ZCCHC24: variants seen among roughly 807,000 people sequenced by gnomAD.
ZCCHC24 encodes zinc finger CCHC domain-containing protein 24.
Under a neutral mutation model 26.2 loss-of-function variants are expected in ZCCHC24, and 10 were observed. The ratio of observed to expected loss-of-function variants is 0.38; its 90% CI spans 0.24 to 0.65. The LOEUF (loss-of-function observed/expected upper bound fraction) is 0.65, where lower values mean the gene tolerates loss of function less well. Among genes scored for constraint, ZCCHC24 ranks in the 30% least tolerant of loss-of-function variants. The probability of loss-of-function intolerance (pLI) is 0.54; values close to 1 mark genes in which losing one functional copy is unlikely to be tolerated. For synonymous variants in ZCCHC24, 144 were observed against 147.1 expected, an observed-to-expected ratio of 0.98 and a Z score of 0.15; for missense variants, 243 against 329.1, an observed-to-expected ratio of 0.74 and a Z score of 2.03.
Position 79,386,365 on chromosome 10 carries a change from A to T in ZCCHC24, c.706T>A (p.Tyr236Asn). 1 of 1,613,474 alleles carries T rather than the reference A, an allele frequency of 6.2e-7. No homozygotes were observed. Among genetic ancestry groups the T allele is most frequent in the Non-Finnish European group, 8.5e-7 (1 of 1,179,894 alleles). ...GCCCGTCACTGCACGCGACGGCAGT[A>T]GTAGCCCAGGACCTTGCACTTCTCG... is the stretch of plus-strand genomic sequence containing the variant. ...LCEKCKVLGY[Y>N]CRRVQ is the part of the protein sequence containing the mutation. The change falls in exon 4 of 4, where the codon TAC (tyrosine) becomes AAC (asparagine). Residue 236 changes from tyrosine to asparagine, a missense_variant. Tyr to Asn is a moderately radical substitution (Grantham distance 143). Around this residue, in one of 2 missense-constraint regions of ZCCHC24, gnomAD observed 96 missense variants for 178.3 expected, o/e 0.54. Coordinates refer to ENST00000372336, the MANE Select transcript of ZCCHC24 (RefSeq NM_153367.4).
At chr10:79,419,030 C>T (rs925264896) in intron 2 of ZCCHC24, among the ~76,000 whole-genome samples, 3 of 152,132 alleles carry the variant, frequency 2.0e-5, no homozygotes, top group South Asian at 2.1e-4. Flanking sequence ...CATGCACGCA[C>T]GTTTGCATGT....
In ZCCHC24 at chr10:79,386,435, G is replaced by T. The variant is rs1427076996; in HGVS notation, c.636C>A (p.Gly212=). The part of the protein sequence containing the change: ...HKQRPLEKPD[G]LDVSDQSKEH... Reference sequence around the variant, plus strand: ...CCTTGCTCTGGTCGGACACGTCCAGGCCGTCGGGCTTCTCCAGGGGTCTCT... The same window carrying T: ...CCTTGCTCTGGTCGGACACGTCCAGTCCGTCGGGCTTCTCCAGGGGTCTCT... Residue 212 remains glycine, a synonymous_variant, in exon 4 of 4, where the codon GGC becomes GGA. Coordinates refer to ENST00000372336, the MANE Select transcript of ZCCHC24 (RefSeq NM_153367.4). 6.2e-7 allele frequency: 1 copy of T among 1,603,264 alleles called. No individual in the cohort carries two copies. The highest frequency in any genetic ancestry group is 2.2e-5 in the East Asian group (1 of 44,518).
At chr10:79,444,476 C>A (rs534860662) in intron 1 of ZCCHC24, among the ~76,000 whole-genome samples, 10 of 152,260 alleles carry the variant, frequency 6.6e-5, no homozygotes, top group Non-Finnish European at 8.8e-5. Flanking sequence ...ACCTCTCCCC[C>A]CCCCTTTCTA....
At chr10:79,408,172 C>T (rs1312782278) in intron 2 of ZCCHC24, among the ~76,000 whole-genome samples, 1 of 152,210 alleles carries the variant, frequency 6.6e-6, no homozygotes, top group East Asian at 1.9e-4. Context: ...CCCTGAGCTA[C>T]AGATGTGGAG....
In ZCCHC24 at chr10:79,426,609, T is replaced by A. The variant is rs557121049; in HGVS notation, c.447+5949A>T. ...TATCTCACTGGAATCAAGTTATAAA[T>A]CTGAGGCATTCTGGTAAGACACAAT... On this transcript the variant is annotated intron_variant, in intron 2 of 3. Coordinates refer to ENST00000372336, the MANE Select transcript of ZCCHC24 (RefSeq NM_153367.4). Among the ~76,000 whole-genome samples the A allele has an allele frequency of 2.6e-5, 4 of 152,192 alleles. No individual in the cohort carries two copies. The South Asian group carries it at 8.3e-4, about 32-fold the overall frequency.
chr10:79,402,262 GTTTTTCTTTTTTTTTCT>G (rs1856643148), intron 2 of ZCCHC24, among the ~76,000 whole-genome samples: 1 of 152,126 alleles, frequency 6.6e-6, no homozygotes, highest in African/African-American at 2.4e-5. Context: ...TAGATACTTG[GTTTTTCTTTTTTTTTCT>G]TTTTTCTTTT....
chr10:79,439,689 G>A (rs138386007), intron 1 of ZCCHC24, among the ~76,000 whole-genome samples: 2,394 of 152,066 alleles, frequency 0.016, 20 homozygotes, highest in Middle Eastern at 0.071. Context: ...CTATTGGGGA[G>A]GCTGAGGCAG....
intron 1 of ZCCHC24, among the ~76,000 whole-genome samples, chr10:79,442,434 T>C (rs1857301909): frequency 5.3e-5 from 8 of 152,212 alleles, no homozygotes; most frequent in Admixed American, 5.2e-4. Flanking sequence ...AGGGGCACAA[T>C]GGGCTTCTGT....
intron 3 of ZCCHC24, among the ~76,000 whole-genome samples, chr10:79,386,671 G>A (rs1020963410): frequency 6.6e-6 from 1 of 152,178 alleles, no homozygotes. Context: ...GAGGGCGCCT[G>A]TGGTCACAGG....
chr10:79,441,361 G>A (rs1857289791), intron 1 of ZCCHC24, among the ~76,000 whole-genome samples: 1 of 152,116 alleles, frequency 6.6e-6, no homozygotes, highest in African/African-American at 2.4e-5. Context: ...CCATACAGAA[G>A]GGCTGGGCCC....
chr10:79,419,140 C>T, intron 2 of ZCCHC24, among the ~76,000 whole-genome samples: 1 of 152,164 alleles, frequency 6.6e-6, no homozygotes, highest in Non-Finnish European at 1.5e-5. Flanking sequence ...TCCCAGGTAT[C>T]CGGGCTGCTT....
chr10:79,444,078 G>C lies in ZCCHC24; in HGVS notation c.246+1117C>G, dbSNP rs746390369. Reference sequence around the variant, plus strand: ...AGGCTTTCCTCCCCAACCCATTCAGGACTCTGACTCTCCTAAAACTCACCG... The same window carrying C: ...AGGCTTTCCTCCCCAACCCATTCAGCACTCTGACTCTCCTAAAACTCACCG... On this transcript the variant is annotated intron_variant, in intron 1 of 3. Coordinates refer to ENST00000372336, the MANE Select transcript of ZCCHC24 (RefSeq NM_153367.4). 22 of 1,538,978 alleles carry C rather than the reference G, an allele frequency of 1.4e-5. 1 individual carries two copies. In the South Asian group the frequency reaches 2.4e-4, roughly 17 times the overall value.
Position 79,438,939 on chromosome 10 carries a change from T to A in ZCCHC24, c.247-6181A>T, listed in dbSNP as rs565177934. ...TGGGGACCGGGCTGCCTCTTACTGCTAGAGCATATTTGTTGAATGAAAGCA... is the reference window on the plus strand; with the variant it reads ...TGGGGACCGGGCTGCCTCTTACTGCAAGAGCATATTTGTTGAATGAAAGCA... On this transcript the variant is annotated intron_variant, in intron 1 of 3. Coordinates refer to ENST00000372336, the MANE Select transcript of ZCCHC24 (RefSeq NM_153367.4). Among the ~76,000 whole-genome samples the A allele has an allele frequency of 4.6e-5, 7 of 152,312 alleles. No individual in the cohort carries two copies. The South Asian group carries it at 8.3e-4, about 18-fold the overall frequency.
intron 2 of ZCCHC24, among the ~76,000 whole-genome samples, chr10:79,405,349 G>T (rs1856697138): frequency 6.6e-6 from 1 of 152,244 alleles, no homozygotes; most frequent in Non-Finnish European, 1.5e-5. Flanking sequence ...GGCTCAGGCT[G>T]GGGCTCAGAA....
chr10:79,407,157 G>A (rs991875113), intron 2 of ZCCHC24, among the ~76,000 whole-genome samples: 13 of 152,338 alleles, frequency 8.5e-5, no homozygotes, highest in South Asian at 8.3e-4. Context: ...TGCACACATG[G>A]CCTCTTTGCT....
At chr10:79,430,280 G>A (rs1198502000) in intron 2 of ZCCHC24, among the ~76,000 whole-genome samples, 4 of 152,092 alleles carry the variant, frequency 2.6e-5, no homozygotes, top group Non-Finnish European at 5.9e-5. Flanking sequence ...GAGGAAGAAG[G>A]TGCTTGGGCC....
In ZCCHC24 at chr10:79,386,377, C is replaced by T; in HGVS notation, c.694G>A (p.Val232Ile). 6.2e-7 allele frequency: 1 copy of T among 1,613,182 alleles called. No individual in the cohort carries two copies. The highest frequency in any genetic ancestry group is 1.3e-5 in the African/African-American group (1 of 75,062). ...ACGCGACGGCAGTAGTAGCCCAGGA[C>T]CTTGCACTTCTCGCAGAGGTGCTGC... is the stretch of plus-strand genomic sequence containing the variant. ...HPQHLCEKCK[V>I]LGYYCRRVQ Residue 232 changes from valine (V) to isoleucine (I), a missense_variant, in exon 4 of 4, where the codon GTC becomes ATC. Around this residue, in one of 2 missense-constraint regions of ZCCHC24, gnomAD observed 96 missense variants for 178.3 expected, o/e 0.54. Coordinates refer to ENST00000372336, the MANE Select transcript of ZCCHC24 (RefSeq NM_153367.4).
At chr10:79,392,994 C>T (rs1409989145) in intron 3 of ZCCHC24, among the ~76,000 whole-genome samples, 1 of 152,176 alleles carries the variant, frequency 6.6e-6, no homozygotes, top group African/African-American at 2.4e-5. Flanking sequence ...AGCACTCTCC[C>T]GACCCCACCC....
At chr10:79,420,144 G>A (rs976785869) in intron 2 of ZCCHC24, among the ~76,000 whole-genome samples, 10 of 151,490 alleles carry the variant, frequency 6.6e-5, no homozygotes, top group Non-Finnish European at 1.0e-4. Flanking sequence ...TGGGCCATAG[G>A]GGAACTGACA....
Sources: gnomAD v4.1 joint callset for allele counts (sites outside exome capture counted in the v4.1 genomes callset) on GRCh38, gnomAD v4.1.1 for gene constraint, gnomAD v4.1.1 regional missense constraint, MANE v1.5 for transcripts, NCBI Gene and HGNC (gene_info 2026-07-23, HGNC 2026-07-21) for gene names.